The following CACHD1 variants were observed in gnomAD, a reference collection of about 807,000 sequenced individuals.
CACHD1 encodes the protein cache domain containing 1.
A neutral mutation model predicts 138.7 loss-of-function variants in CACHD1; 71 were observed. That is an observed-to-expected ratio of 0.51 (90% CI 0.42 to 0.62). CACHD1 has a LOEUF of 0.62. Ranked by LOEUF, CACHD1 falls within the 20% of genes least tolerant of loss-of-function variation. The pLI is 0.00. For synonymous variants in CACHD1, 578 were observed against 591.5 expected (o/e 0.98, Z 0.33); for missense variants, 1,389 against 1,625.3 (o/e 0.85, Z 2.50).
chr1:64,490,871 G>A (rs1646270725), intron 1 of CACHD1, among the ~76,000 whole-genome samples: 2 of 152,154 alleles, frequency 1.3e-5, no homozygotes, highest in South Asian at 2.1e-4. Flanking sequence ...GCAAATGCTG[G>A]TGGGAACATA....
rs561930224 is a variant in CACHD1 at position 64,531,693 on chromosome 1, T to C, written c.199-18901T>C. ...TAGACTGATTCTCAGCTTATTAACT[T>C]GCACATTACCCCCTGGTGTCTCTTT... On this transcript the variant is annotated intron_variant, in intron 1 of 26. Coordinates refer to ENST00000651257, the MANE Select transcript of CACHD1 (RefSeq NM_020925.4). 1.4e-4 allele frequency among the ~76,000 whole-genome samples: 21 copies of C among 151,936 alleles called. 1 individual carries two copies. In the South Asian group the frequency reaches 3.3e-3, roughly 24 times the overall value.
intron 1 of CACHD1, among the ~76,000 whole-genome samples, chr1:64,499,751 A>G (rs1290874224): frequency 6.6e-6 from 1 of 152,242 alleles, no homozygotes; most frequent in Non-Finnish European, 1.5e-5. Flanking sequence ...AGTACTTTGA[A>G]ATTACAGTAG....
chr1:64,676,993 G>A lies in CACHD1; in HGVS notation c.3074G>A (p.Ser1025Asn), dbSNP rs1261045269. Residue 1025 changes from serine to asparagine, a missense_variant, in exon 22 of 27, where the codon AGT (serine) becomes AAT (asparagine). This residue lies in a region of CACHD1 where 250 missense variants were observed against 292.9 expected (regional missense o/e 0.85). Transcript: ENST00000651257. ...ALHQCVNSRC[S>N]QRLESGDCFG... ...CACCAGTGTGTCAACAGCAGGTGCA[G>A]TCAGAGGCTGGAAAGTGGGTAAGCA... 6.2e-7 allele frequency: 1 copy of A among 1,613,556 alleles called. No individual in the cohort carries two copies. The highest frequency in any genetic ancestry group is 8.5e-7 in the Non-Finnish European group (1 of 1,179,644).
chr1:64,642,088 AC>A, intron 8 of CACHD1, 119 bp downstream of exon 8: 1 of 860,726 alleles, frequency 1.2e-6, no homozygotes, highest in South Asian at 2.6e-5. Context: ...GGAAAAGGCA[AC>A]CAGGCGGCTC....
rs569937787 is a variant in CACHD1 at position 64,666,220 on chromosome 1, T to G, written c.2387+53T>G. On this transcript the variant is annotated intron_variant, in intron 16 of 26. Transcript: ENST00000651257. ...TTTCTTAAATATATCAAGGATATTT[T>G]GGAAATCTGAATAGAAGAGTACGCG... The G allele has an allele frequency of 6.7e-5, 84 of 1,246,988 alleles. No individual in the cohort carries two copies. In the African/African-American group the frequency reaches 1.0e-3, roughly 15 times the overall value. 77.2% of individuals were successfully genotyped at this position (1,246,988 alleles called of 1,614,324 possible).
intron 4 of CACHD1, among the ~76,000 whole-genome samples, chr1:64,623,547 G>C (rs1045124156): frequency 6.6e-6 from 1 of 152,124 alleles, no homozygotes; most frequent in Non-Finnish European, 1.5e-5. Context: ...AAAGAACTAG[G>C]AATCTCTGCT....
chr1:64,602,656 T>A, intron 3 of CACHD1, 150 bp from the exon 4 acceptor site: 1 of 616,452 alleles, frequency 1.6e-6, no homozygotes, highest in Non-Finnish European at 2.9e-6. Context: ...ACACACAGAG[T>A]TCCGAAATTA....
chr1:64,537,805 C>G (rs1646645532), intron 1 of CACHD1, among the ~76,000 whole-genome samples: 1 of 152,106 alleles, frequency 6.6e-6, no homozygotes, highest in African/African-American at 2.4e-5. Flanking sequence ...CTCACAAAAA[C>G]CAGTGAAGTA....
chr1:64,616,728 A>T (rs1010199067), intron 4 of CACHD1, among the ~76,000 whole-genome samples: 1 of 152,166 alleles, frequency 6.6e-6, no homozygotes, highest in Non-Finnish European at 1.5e-5. Context: ...GGGAGGCAAA[A>T]GAGCTTTATG....
chr1:64,470,948 T>A lies in CACHD1; in HGVS notation c.198+6T>A. On this transcript the variant is annotated splice_donor_region_variant and intron_variant, in intron 1 of 26. Coordinates refer to ENST00000651257, the MANE Select transcript of CACHD1 (RefSeq NM_020925.4). This position sits in a 1 kb window ranked among gnomAD's most constrained non-coding sequence, Gnocchi z 5.2. ...TGGGGGTCGTCACCATGCAGGTAAG[T>A]GGCCCCCGAGCTGGCCAGACATCCC... 1 of 1,596,532 alleles carries A rather than the reference T, an allele frequency of 6.3e-7. No individual in the cohort carries two copies. The highest frequency in any genetic ancestry group is 8.5e-7 in the Non-Finnish European group (1 of 1,170,880).
intron 21 of CACHD1, 43 bp from the exon 22 acceptor site, chr1:64,676,852 T>C: frequency 6.7e-7 from 1 of 1,497,592 alleles, no homozygotes; most frequent in Non-Finnish European, 9.2e-7. Flanking sequence ...GTTTGGAATG[T>C]GGGCGGTGGT....
Position 64,552,720 on chromosome 1 carries a change from C to T in CACHD1, c.261+2064C>T, listed in dbSNP as rs148837911. Among the ~76,000 whole-genome samples, 648 of 152,302 alleles carry T rather than the reference C, an allele frequency of 4.3e-3. 10 individuals carry two copies. The highest frequency in any genetic ancestry group is 0.015 in the African/African-American group (616 of 41,556). ...TCTCAAACTCCTCAGCGCAAACAAT[C>T]CTCCTGCCATGGCCTTCCAAAGTGC... On this transcript the variant is annotated intron_variant, in intron 2 of 26. Coordinates refer to ENST00000651257, the MANE Select transcript of CACHD1 (RefSeq NM_020925.4).
chr1:64,666,245 G>A (rs140578062), intron 16 of CACHD1, 78 bp downstream of exon 16: 156 of 858,990 alleles, frequency 1.8e-4, no homozygotes, highest in Middle Eastern at 1.1e-3. Context: ...AAGAGTACGC[G>A]CACCAAGGCT....
At chr1:64,591,877 T>C (rs1412360558) in intron 3 of CACHD1, among the ~76,000 whole-genome samples, 1 of 152,210 alleles carries the variant, frequency 6.6e-6, no homozygotes, top group Non-Finnish European at 1.5e-5. Flanking sequence ...CTCTCTCATC[T>C]TTCTTAGTTA....
chr1:64,557,560 T>A (rs1646807827), intron 2 of CACHD1, among the ~76,000 whole-genome samples: 1 of 152,050 alleles, frequency 6.6e-6, no homozygotes, highest in African/African-American at 2.4e-5. Flanking sequence ...CTCTAGCAGC[T>A]CTCCCTGCTC....
At chr1:64,613,930 C>T (rs1366567506) in intron 4 of CACHD1, among the ~76,000 whole-genome samples, 1 of 152,196 alleles carries the variant, frequency 6.6e-6, no homozygotes, top group Non-Finnish European at 1.5e-5. Flanking sequence ...CTTCAGGACA[C>T]ACATCTCACT....
At chr1:64,532,357 C>T (rs74082823) in intron 1 of CACHD1, among the ~76,000 whole-genome samples, 1 of 152,138 alleles carries the variant, frequency 6.6e-6, no homozygotes, top group East Asian at 1.9e-4. Flanking sequence ...AGCCCTCGTG[C>T]TCATGCAGCA....
chr1:64,617,983 G>A (rs1427901724), intron 4 of CACHD1, among the ~76,000 whole-genome samples: 1 of 151,992 alleles, frequency 6.6e-6, no homozygotes, highest in African/African-American at 2.4e-5. Flanking sequence ...TGGAGGCTGA[G>A]GCAAGAGAAT....
At chr1:64,525,528 CTGATGA>C (rs1646531803) in intron 1 of CACHD1, among the ~76,000 whole-genome samples, 1 of 152,174 alleles carries the variant, frequency 6.6e-6, no homozygotes, top group African/African-American at 2.4e-5. Flanking sequence ...CACTGTATTA[CTGATGA>C]TCAAATACAG....
Sources: gnomAD v4.1 joint callset for allele counts (sites outside exome capture counted in the v4.1 genomes callset) on GRCh38, gnomAD v4.1.1 for gene constraint, gnomAD v4.1.1 regional missense constraint, Gnocchi (gnomAD v3.1) non-coding constraint, MANE v1.5 for transcripts, NCBI Gene and HGNC (gene_info 2026-07-23, HGNC 2026-07-21) for gene names.